The following PARVB variants were observed in gnomAD, a reference collection of about 807,000 sequenced individuals.
PARVB encodes the protein parvin beta.
In PARVB, 46 loss-of-function variants were observed where a neutral mutation model predicts 47.0. That is an observed-to-expected ratio of 0.98 (90% CI 0.77 to 1.25). PARVB has a LOEUF of 1.25. PARVB is among the 50% of genes most tolerant of loss of function. The probability of loss-of-function intolerance (pLI) is 0.00; values close to 1 mark genes in which losing one functional copy is unlikely to be tolerated. For synonymous variants in PARVB, 196 were observed against 196.3 expected (o/e 1.00, Z 0.01); for missense variants, 473 against 471.6 (o/e 1.00, Z -0.03).
At chr22:44,070,343 A>G (rs1293961043) in intron 1 of PARVB, among the ~76,000 whole-genome samples, 1 of 152,132 alleles carries the variant, frequency 6.6e-6, no homozygotes, top group Non-Finnish European at 1.5e-5. Context: ...CAGTAAGATG[A>G]CAGTTATTCA....
intron 1 of PARVB, among the ~76,000 whole-genome samples, chr22:44,028,091 G>A (rs541264036): frequency 2.6e-5 from 4 of 151,936 alleles, no homozygotes; most frequent in Admixed American, 6.6e-5. Context: ...TGGTAGAGTC[G>A]TGAGCCAACG....
chr22:44,022,575 A>G (rs971008018), upstream of PARVB, among the ~76,000 whole-genome samples: 9 of 151,902 alleles, frequency 5.9e-5, no homozygotes, highest in Non-Finnish European at 1.3e-4. Context: ...CATGTACTGC[A>G]CTGGGGGGAC....
rs1039389891 is a variant in PARVB, at chr22:44,131,340, C to T, written c.377-147C>T. ...TATTTTTAGTAGAGACGGGATTTCA[C>T]CATATTTGCCAGGCTGGTCTCGAAC... On this transcript the variant is annotated intron_variant, in intron 4 of 12. Transcript: ENST00000338758. 1.0e-4 allele frequency: 73 copies of T among 720,530 alleles called. 1 individual carries two copies. The highest frequency in any genetic ancestry group is 1.5e-4 in the Non-Finnish European group (67 of 434,710). The allele number at this position is 720,530 out of a possible 1,614,324, so 44.6% of individuals were successfully genotyped here.
At chr22:44,097,685 G>A (rs1818565762) in intron 2 of PARVB, among the ~76,000 whole-genome samples, 2 of 152,144 alleles carry the variant, frequency 1.3e-5, no homozygotes, top group South Asian at 4.1e-4. Context: ...CTGCAGACAT[G>A]GACACACTGC....
At chr22:44,146,218 A>C (rs1174185520) in intron 8 of PARVB, 2 of 132,702 alleles carry the variant, frequency 1.5e-5, no homozygotes, top group Non-Finnish European at 3.2e-5. Context: ...ACACATGCTC[A>C]CACATGGACA....
chr22:44,164,185 A>G (rs1230165808), intron 12 of PARVB, among the ~76,000 whole-genome samples: 2 of 152,190 alleles, frequency 1.3e-5, no homozygotes, highest in African/African-American at 4.8e-5. Flanking sequence ...CTGCCCACAG[A>G]CCTCAGGATT....
intron 3 of PARVB, among the ~76,000 whole-genome samples, chr22:44,116,489 C>T (rs557598508): frequency 1.7e-4 from 26 of 152,350 alleles, no homozygotes; most frequent in African/African-American, 5.8e-4. Context: ...GCAGAGGCCT[C>T]GTCTGTCCTG....
intron 1 of PARVB, among the ~76,000 whole-genome samples, chr22:44,070,668 A>G (rs555117634): frequency 9.8e-5 from 15 of 152,324 alleles, no homozygotes; most frequent in African/African-American, 3.6e-4. Flanking sequence ...AGCTCACATT[A>G]TATGAGGCTC....
At position 43,999,633 on chromosome 22, in the gene PARVB, CAGAT is replaced by C; in HGVS notation, c.172_175del (p.Arg58GlnfsTer13). 6.2e-7 allele frequency: 1 copy of C among 1,613,726 alleles called. No individual in the cohort carries two copies. Among genetic ancestry groups the C allele is most frequent in the Middle Eastern group, 1.6e-4 (1 of 6,062 alleles). On this transcript the variant is annotated frameshift_variant, in exon 2 of 14. Coordinates refer to the PARVB transcript ENST00000406477. LOFTEE classifies it high-confidence loss of function. ...CTGGTTCACTTCTCCCTGGCTCAGA[CAGAT>C]CAGGAGTGGAAACATCTGAATATGC...
chr22:44,128,051 G>A (rs1356773229), intron 4 of PARVB, among the ~76,000 whole-genome samples: 2 of 152,202 alleles, frequency 1.3e-5, no homozygotes, highest in African/African-American at 2.4e-5. Flanking sequence ...CCAAAGTGCA[G>A]GGATCACAGG....
rs763364882 is a variant in PARVB, at chr22:44,100,083, C to T, written c.233C>T (p.Pro78Leu). ...AACGAGGAGCGCACGATGATTGACC[C>T]CACTTCCAAGGAAGACCCCAAGTTC... ...EENEERTMID[P>L]TSKEDPKFKE... is the part of the protein sequence containing the mutation. Residue 78 changes from proline (P) to leucine (L), a missense_variant, in exon 3 of 13, where the codon CCC becomes CTC. Physicochemically the swap from Pro to Leu is moderately conservative, Grantham distance 98. Coordinates refer to ENST00000338758, the MANE Select transcript of PARVB (RefSeq NM_013327.5). The T allele has an allele frequency of 3.2e-5, 52 of 1,613,952 alleles. No homozygotes were observed. Among genetic ancestry groups the T allele is most frequent in the Non-Finnish European group, 4.1e-5 (48 of 1,179,964 alleles).
At chr22:44,059,698 C>T (rs1388443333) in intron 1 of PARVB, among the ~76,000 whole-genome samples, 1 of 152,180 alleles carries the variant, frequency 6.6e-6, no homozygotes, top group African/African-American at 2.4e-5. Context: ...GTGTCACGTA[C>T]GTGGTGTTGA....
At chr22:44,027,975 T>A (rs1166976157) in intron 1 of PARVB, among the ~76,000 whole-genome samples, 2 of 149,564 alleles carry the variant, frequency 1.3e-5, no homozygotes, top group East Asian at 2.0e-4. Flanking sequence ...ATATATATAT[T>A]GACGTATATT....
chr22:44,094,869 G>A (rs1279837069), intron 2 of PARVB, among the ~76,000 whole-genome samples: 2 of 151,708 alleles, frequency 1.3e-5, no homozygotes, highest in Admixed American at 6.6e-5. Flanking sequence ...TGTTGGAATC[G>A]TTTCACTGGG....
intron 4 of PARVB, among the ~76,000 whole-genome samples, chr22:44,119,350 T>C (rs896814320): frequency 6.6e-5 from 10 of 152,166 alleles, no homozygotes; most frequent in African/African-American, 2.4e-4. Context: ...CACCCAGCCA[T>C]GGGGCAGCAG....
At chr22:44,001,799 C>T (rs532039032) in intron 2 of PARVB, among the ~76,000 whole-genome samples, 4 of 152,298 alleles carry the variant, frequency 2.6e-5, no homozygotes, top group South Asian at 2.1e-4. Flanking sequence ...GTTTGTTAGT[C>T]GCTCTTCCAG....
At chr22:44,056,267 C>A (rs1053414227) in intron 1 of PARVB, among the ~76,000 whole-genome samples, 1 of 152,188 alleles carries the variant, frequency 6.6e-6, no homozygotes, top group African/African-American at 2.4e-5. Flanking sequence ...GAGCACCGTC[C>A]CTTTGTCACC....
At chr22:44,002,793 A>G (rs1252260131) in intron 2 of PARVB, among the ~76,000 whole-genome samples, 3 of 152,066 alleles carry the variant, frequency 2.0e-5, no homozygotes, top group African/African-American at 7.2e-5. Flanking sequence ...GCCTGTTTTC[A>G]AGAATGAAAA....
At chr22:44,073,159 T>C (rs2051691466) in intron 1 of PARVB, among the ~76,000 whole-genome samples, 1 of 152,174 alleles carries the variant, frequency 6.6e-6, no homozygotes, top group South Asian at 2.1e-4. Context: ...AGAATAATTG[T>C]ATAAAAAACC....
Sources: gnomAD v4.1 joint callset for allele counts (sites outside exome capture counted in the v4.1 genomes callset) on GRCh38, gnomAD v4.1.1 for gene constraint, MANE v1.5 for transcripts, NCBI Gene and HGNC (gene_info 2026-07-23, HGNC 2026-07-21) for gene names.